The following LRCH1 variants were observed in gnomAD, a reference collection of about 807,000 sequenced individuals.
The protein encoded by LRCH1 is leucine-rich repeat and calponin homology domain-containing protein 1.
Under a neutral mutation model 94.9 loss-of-function variants are expected in LRCH1, and 23 were observed. The observed-to-expected ratio is 0.24, with a 90% CI of 0.17 to 0.34. The LOEUF (loss-of-function observed/expected upper bound fraction) is 0.34, where lower values mean the gene tolerates loss of function less well. Among genes scored for constraint, LRCH1 ranks in the 10% least tolerant of loss-of-function variants. The pLI is 1.00. For missense variants in LRCH1, 790 were observed against 945.9 expected, an observed-to-expected ratio of 0.84 and a Z score of 2.16; for synonymous variants, 364 against 354.9, an observed-to-expected ratio of 1.03 and a Z score of -0.29.
chr13:46,601,168 G>A (rs2050624230), intron 1 of LRCH1, among the ~76,000 whole-genome samples: 1 of 152,186 alleles, frequency 6.6e-6, no homozygotes, highest in African/African-American at 2.4e-5. Flanking sequence ...GGGCAGGGCC[G>A]GTTTTGTTTT....
At chr13:46,573,866 A>ATTTTTTT (rs540821255) in intron 1 of LRCH1, among the ~76,000 whole-genome samples, 9 of 63,376 alleles carry the variant, frequency 1.4e-4, no homozygotes, top group African/African-American at 2.6e-4. Context: ...ATATATATAT[A>ATTTTTTT]TTTTTTTTTT....
rs74076497 is a variant in LRCH1, at chr13:46,622,320, A to G, written c.308-27881A>G. ...GTGACACTAGAACCCTGCAAAGGAA[A>G]TAAGACACAATCTATCGTTGTTCAG... On this transcript the variant is annotated intron_variant, in intron 1 of 19. Transcript: ENST00000389797. 4.7e-3 allele frequency among the ~76,000 whole-genome samples: 722 copies of G among 152,296 alleles called. 6 individuals carry two copies. Among genetic ancestry groups the G allele is most frequent in the African/African-American group, 0.017 (686 of 41,560 alleles).
chr13:46,676,859 C>A (rs1022572261), intron 3 of LRCH1, among the ~76,000 whole-genome samples: 1 of 152,286 alleles, frequency 6.6e-6, no homozygotes, highest in East Asian at 1.9e-4. Flanking sequence ...CTCACTGCAG[C>A]CTTGACCTCT....
intron 16 of LRCH1, chr13:46,717,463 T>G (rs1169142721): frequency 6.6e-6 from 1 of 152,196 alleles, no homozygotes; most frequent in Non-Finnish European, 1.5e-5. Flanking sequence ...GAGGTTGTCA[T>G]TTTTTCCTAT....
intron 17 of LRCH1, among the ~76,000 whole-genome samples, chr13:46,726,746 G>C (rs1872831831): frequency 6.6e-6 from 1 of 151,448 alleles, no homozygotes; most frequent in African/African-American, 2.4e-5. Flanking sequence ...CAGTAAGGAG[G>C]CACCTACCCC....
intron 1 of LRCH1, among the ~76,000 whole-genome samples, chr13:46,636,603 C>T (rs1445877394): frequency 6.6e-6 from 1 of 152,222 alleles, no homozygotes; most frequent in Non-Finnish European, 1.5e-5. Flanking sequence ...CCACCTTCAT[C>T]AGGCTTTTGC....
chr13:46,577,581 G>A (rs1304275913), intron 1 of LRCH1, among the ~76,000 whole-genome samples: 1 of 152,250 alleles, frequency 6.6e-6, no homozygotes, highest in African/African-American at 2.4e-5. Context: ...GGTGGATATA[G>A]TGTTGAAAGA....
chr13:46,722,122 TA>T lies in LRCH1; in HGVS notation c.1760-1094del, dbSNP rs1377147579. Among the ~76,000 whole-genome samples, 4 of 152,226 alleles carry T rather than the reference TA, an allele frequency of 2.6e-5. No individual in the cohort carries two copies. The East Asian group carries it at 7.7e-4, about 29-fold the overall frequency. The stretch of plus-strand genomic sequence containing the variant: ...ATAGGAAATGTATGTCAGGGTAGAA[TA>T]AAAATTACACATTCTTTCTTATTCA... On this transcript the variant is annotated intron_variant, in intron 16 of 19. Transcript: ENST00000389797.
intron 1 of LRCH1, among the ~76,000 whole-genome samples, chr13:46,607,861 G>A (rs933748453): frequency 6.6e-6 from 1 of 152,086 alleles, no homozygotes; most frequent in Non-Finnish European, 1.5e-5. Context: ...GTAATGGAGA[G>A]CTTCAGCTCC....
chr13:46,710,420 G>A (rs964403978), intron 13 of LRCH1, among the ~76,000 whole-genome samples: 2 of 152,146 alleles, frequency 1.3e-5, no homozygotes, highest in Non-Finnish European at 2.9e-5. Context: ...CACATCACGT[G>A]ATCTGACTTT....
Position 46,611,371 on chromosome 13 carries a change from A to G in LRCH1, c.308-38830A>G, listed in dbSNP as rs368406094. 2.8e-3 allele frequency among the ~76,000 whole-genome samples: 433 copies of G among 152,288 alleles called. 2 individuals carry two copies. Among genetic ancestry groups the G allele is most frequent in the South Asian group, 0.02 (95 of 4,832 alleles). ...GGGTATGGACCACTTCTTCTGGAGA[A>G]CAGCAGGGTGGTGTTCAAGCACCAT... On this transcript the variant is annotated intron_variant, in intron 1 of 19. Coordinates refer to ENST00000389797, the MANE Select transcript of LRCH1 (RefSeq NM_001164211.2).
intron 16 of LRCH1, among the ~76,000 whole-genome samples, chr13:46,716,846 TG>T (rs1429111944): frequency 6.6e-6 from 1 of 152,074 alleles, no homozygotes; most frequent in Admixed American, 6.5e-5. Flanking sequence ...TTGTAAATTT[TG>T]GAAGTTGAAG....
chr13:46,636,420 A>G (rs2051090612), intron 1 of LRCH1, among the ~76,000 whole-genome samples: 1 of 152,174 alleles, frequency 6.6e-6, no homozygotes, highest in African/African-American at 2.4e-5. Context: ...AGGTACATTT[A>G]CATTATTAAG....
Position 46,743,227 on chromosome 13 carries a change from T to A in LRCH1, c.*1379T>A. ...GGCTACTACGAAGAAAATCTTATTT[T>A]TCTGAACATTTTCATGAATCCAGGG... is the stretch of plus-strand genomic sequence containing the variant. On this transcript the variant is annotated 3_prime_UTR_variant, in exon 20 of 20. Transcript: ENST00000389797. The A allele has an allele frequency of 1.0e-6, 1 of 985,812 alleles. No homozygotes were observed. The highest frequency in any genetic ancestry group is 1.2e-6 in the Non-Finnish European group (1 of 829,876). The allele number at this position is 985,812 out of a possible 1,614,324, so 61.1% of individuals were successfully genotyped here.
intron 1 of LRCH1, among the ~76,000 whole-genome samples, chr13:46,613,274 C>T (rs1038909649): frequency 6.6e-6 from 1 of 151,960 alleles, no homozygotes; most frequent in African/African-American, 2.4e-5. Flanking sequence ...CCTGTAGTCC[C>T]AGCTGCTCGG....
intron 18 of LRCH1, among the ~76,000 whole-genome samples, chr13:46,729,355 G>A (rs1872986881): frequency 6.6e-6 from 1 of 151,828 alleles, no homozygotes; most frequent in Admixed American, 6.6e-5. Context: ...TAGAGACGGG[G>A]TTCTAAAATA....
chr13:46,715,827 G>T (rs1315551852), intron 16 of LRCH1, among the ~76,000 whole-genome samples, 163 bp downstream of exon 16: 1 of 152,134 alleles, frequency 6.6e-6, no homozygotes, highest in Non-Finnish European at 1.5e-5. Context: ...AGTGCACGTG[G>T]ATTGTTCTCT....
intron 1 of LRCH1, among the ~76,000 whole-genome samples, chr13:46,580,075 C>G (rs1265807215): frequency 6.6e-6 from 1 of 152,202 alleles, no homozygotes; most frequent in East Asian, 1.9e-4. Flanking sequence ...TTTTGAGTTT[C>G]TAGCCCAAGA....
chr13:46,654,372 G>A (rs2051344443), intron 2 of LRCH1, among the ~76,000 whole-genome samples: 1 of 152,188 alleles, frequency 6.6e-6, no homozygotes, highest in Admixed American at 6.5e-5. Context: ...ATATTATTAA[G>A]TTAGCAAAAT....
Sources: allele counts gnomAD v4.1 joint callset (sites outside exome capture counted in the v4.1 genomes callset), GRCh38; gene constraint gnomAD v4.1.1; transcripts MANE v1.5; gene names NCBI Gene and HGNC (gene_info 2026-07-23, HGNC 2026-07-21).